The following NT5C1B variants were observed in gnomAD, a reference collection of about 807,000 sequenced individuals.
The protein encoded by NT5C1B is cytosolic 5'-nucleotidase 1B.
NT5C1B carries 44 observed loss-of-function variants against 57.8 expected under a neutral mutation model. That is an observed-to-expected ratio of 0.76 (90% CI 0.60 to 0.98). The LOEUF is 0.98. Among genes scored for constraint, NT5C1B ranks in the 50% least tolerant of loss-of-function variants. The pLI is 0.00. For missense variants in NT5C1B, 742 were observed against 719.5 expected, an observed-to-expected ratio of 1.03 and a Z score of -0.36; for synonymous variants, 284 against 282.6, an observed-to-expected ratio of 1.00 and a Z score of -0.05.
chr2:18,571,589 C>A (rs60483317), intron 8 of NT5C1B, among the ~76,000 whole-genome samples: 11,364 of 151,188 alleles, frequency 0.075, 483 homozygotes, highest in Middle Eastern at 0.14. Flanking sequence ...ATCCCAAGAT[C>A]TAGCTATAAA....
At chr2:18,587,197 T>G in intron 2 of NT5C1B, 1 of 1,603,032 alleles carries the variant, frequency 6.2e-7, no homozygotes, top group South Asian at 1.1e-5. Flanking sequence ...CAGAAAGTGG[T>G]CAATGCCATG....
At chr2:18,576,247 C>T (rs1273920994) in exon 8 of NT5C1B, 25 of 1,613,566 alleles carry the variant, frequency 1.5e-5, no homozygotes, top group Non-Finnish European at 2.0e-5. Context: ...GCCCATGCTC[C>T]TTGGTAAAAT....
exon 9 of NT5C1B, chr2:18,563,660 T>C (rs746512745): frequency 5.0e-6 from 5 of 999,248 alleles, no homozygotes; most frequent in Non-Finnish European, 6.9e-6. Flanking sequence ...TTCCAAAAAA[T>C]CAGGAGAAAA....
rs961224640 is a variant in NT5C1B, at chr2:18,584,429, C to G, written c.723+85G>C. ...AGTTTGGGGAGGAGAAGCGGGAGGACCTCCCTGCGCAGTGGAGAGGAGGGC... is the reference window on the plus strand; with the variant it reads ...AGTTTGGGGAGGAGAAGCGGGAGGAGCTCCCTGCGCAGTGGAGAGGAGGGC... On this transcript the variant is annotated intron_variant, in intron 4 of 8. Coordinates refer to ENST00000304081, the Ensembl canonical transcript of NT5C1B. This position sits in a 1 kb window ranked among gnomAD's most constrained non-coding sequence, Gnocchi z 5.8. 6.5e-7 allele frequency: 1 copy of G among 1,532,490 alleles called. No homozygotes were observed. The highest frequency in any genetic ancestry group is 2.3e-4 in the Middle Eastern group (1 of 4,260). 94.9% of individuals were successfully genotyped at this position (1,532,490 alleles called of 1,614,324 possible).
At chr2:18,582,847 C>T (rs1386455912) in intron 6 of NT5C1B, 21 bp downstream of exon 6, 1 of 1,609,842 alleles carries the variant, frequency 6.2e-7, no homozygotes, top group Non-Finnish European at 8.5e-7. Context: ...TGGTCTTCCA[C>T]ATGGTATTTA....
intron 8 of NT5C1B, among the ~76,000 whole-genome samples, chr2:18,571,718 G>GTGTGTGTATGTATATATA (rs1246189018): frequency 2.7e-5 from 3 of 111,472 alleles, no homozygotes; most frequent in African/African-American, 9.6e-5. Flanking sequence ...CTGTGTGTGT[G>GTGTGTGTATGTATATATA]TATATATATA....
At chr2:18,581,807 G>C (rs996010176) in intron 6 of NT5C1B, among the ~76,000 whole-genome samples, 1 of 152,080 alleles carries the variant, frequency 6.6e-6, no homozygotes, top group Non-Finnish European at 1.5e-5. Flanking sequence ...CCTGGCAGAC[G>C]GAGATACGAA....
chr2:18,568,100 A>ACACACG (rs1472852071), intron 8 of NT5C1B, among the ~76,000 whole-genome samples: 3 of 142,730 alleles, frequency 2.1e-5, no homozygotes, highest in Admixed American at 1.4e-4. Flanking sequence ...ACACACACAC[A>ACACACG]CACACACACA....
rs79065133 is a variant in NT5C1B at position 18,567,491 on chromosome 2, G to T, written c.1330-3372C>A. On this transcript the variant is annotated intron_variant, in intron 8 of 8. Coordinates refer to ENST00000304081, the Ensembl canonical transcript of NT5C1B. Reference sequence around the variant, plus strand: ...AGCTGGGAAGGGGTAAGAATGAGGAGACCTTCTCTGCAGCAGACACACAGG... The same window carrying T: ...AGCTGGGAAGGGGTAAGAATGAGGATACCTTCTCTGCAGCAGACACACAGG... Among the ~76,000 whole-genome samples, 1,002 of 152,260 alleles carry T rather than the reference G, an allele frequency of 6.6e-3. 16 individuals are homozygous for T. The highest frequency in any genetic ancestry group is 0.023 in the African/African-American group (962 of 41,536).
intron 1 of NT5C1B, 97 bp downstream of exon 1, chr2:18,589,342 T>C: frequency 6.5e-7 from 1 of 1,527,916 alleles, no homozygotes. Flanking sequence ...TCTGAAATTA[T>C]TTGATCATTG....
chr2:18,582,188 T>C (rs1278274138), intron 6 of NT5C1B, among the ~76,000 whole-genome samples: 1 of 152,260 alleles, frequency 6.6e-6, no homozygotes, highest in Admixed American at 6.5e-5. Context: ...TCCAGCCTTA[T>C]AGTTAGAATA....
At chr2:18,576,084 T>G in intron 8 of NT5C1B, 100 bp downstream of exon 8, 5 of 1,292,012 alleles carry the variant, frequency 3.9e-6, no homozygotes, top group Non-Finnish European at 5.1e-6. Context: ...GTGCCCTGCC[T>G]AGAATAACTT....
Position 18,571,555 on chromosome 2 carries a change from C to G in NT5C1B, c.1329+4629G>C, listed in dbSNP as rs1665154191. On this transcript the variant is annotated intron_variant, in intron 8 of 8. Coordinates refer to ENST00000304081, the Ensembl canonical transcript of NT5C1B. ...AATACCATGTCCATGGACAGAAAGA[C>G]TTAATATTGTTAAGATATCTATTAT... Among the ~76,000 whole-genome samples, 6 of 151,222 alleles carry G rather than the reference C, an allele frequency of 4.0e-5. 1 individual carries two copies. The South Asian group carries it at 1.3e-3, about 32-fold the overall frequency.
exon 6 of NT5C1B, chr2:18,582,950 T>C: frequency 1.2e-6 from 2 of 1,614,084 alleles, no homozygotes; most frequent in Non-Finnish European, 1.7e-6. Flanking sequence ...ATAAGTCCTG[T>C]TCATCAGGAT....
intron 6 of NT5C1B, among the ~76,000 whole-genome samples, chr2:18,578,774 T>C (rs1450413209): frequency 1.3e-5 from 2 of 152,128 alleles, no homozygotes; most frequent in Non-Finnish European, 2.9e-5. Context: ...GTATTCAACA[T>C]AGTCCTTGAA....
At chr2:18,585,173 C>CT (rs1251507619) in intron 3 of NT5C1B, 195 bp from the exon 4 acceptor site, 4 of 819,076 alleles carry the variant, frequency 4.9e-6, no homozygotes, top group Non-Finnish European at 8.5e-6. Context: ...GACACAGAGA[C>CT]TGTCTGCTTT....
chr2:18,565,189 C>G (rs370511648), intron 8 of NT5C1B, among the ~76,000 whole-genome samples: 3 of 152,102 alleles, frequency 2.0e-5, no homozygotes, highest in East Asian at 3.9e-4. Context: ...ACCTTCTTTC[C>G]CCATATTTTT....
chr2:18,583,964 G>T, intron 5 of NT5C1B, 124 bp downstream of exon 5: 1 of 1,556,074 alleles, frequency 6.4e-7, no homozygotes, highest in Non-Finnish European at 8.8e-7. Flanking sequence ...CAGCTAGAAG[G>T]AGACAAGAAT....
Position 18,584,071 on chromosome 2 carries a change from G to A in NT5C1B, c.891+17C>T. The A allele has an allele frequency of 6.2e-7, 1 of 1,614,202 alleles. No homozygotes were observed. The highest frequency in any genetic ancestry group is 8.5e-7 in the Non-Finnish European group (1 of 1,180,046). On this transcript the variant is annotated intron_variant, in intron 5 of 8. Coordinates refer to ENST00000304081, the Ensembl canonical transcript of NT5C1B. This position sits in a 1 kb window ranked among gnomAD's most constrained non-coding sequence, Gnocchi z 5.8. The stretch of plus-strand genomic sequence containing the variant: ...CCATCGAGTGTCCTGGCGGGCCAAA[G>A]ACAGCTTGCAGAATACCTTGACGAA...
Sources: gnomAD v4.1 joint callset for allele counts (sites outside exome capture counted in the v4.1 genomes callset) on GRCh38, gnomAD v4.1.1 for gene constraint, Gnocchi (gnomAD v3.1) non-coding constraint, MANE v1.5 for transcripts, NCBI Gene and HGNC (gene_info 2026-07-23, HGNC 2026-07-21) for gene names.